Variants in GSAP observed in about 807,000 individuals in gnomAD.
GSAP encodes gamma-secretase activating protein, also known as gamma-secretase-activating protein.
Under a neutral mutation model 131.7 loss-of-function variants are expected in GSAP, and 118 were observed. That is an observed-to-expected ratio of 0.90 (90% CI 0.77 to 1.04). GSAP has a LOEUF of 1.04. Ranked by LOEUF, GSAP falls within the 50% of genes least tolerant of loss-of-function variation. The pLI is 0.00. For missense variants in GSAP, 1,019 were observed against 1,013.2 expected, an observed-to-expected ratio of 1.01 and a Z score of -0.08; for synonymous variants, 381 against 363.4, an observed-to-expected ratio of 1.05 and a Z score of -0.55.
chr7:77,381,869 C>T (rs915623602), intron 7 of GSAP, among the ~76,000 whole-genome samples: 4 of 151,236 alleles, frequency 2.6e-5, no homozygotes, highest in African/African-American at 9.7e-5. Context: ...TGGTCTCTTT[C>T]TATCAGTAAC....
intron 16 of GSAP, among the ~76,000 whole-genome samples, chr7:77,354,007 A>G (rs1403010960): frequency 6.6e-6 from 1 of 152,198 alleles, no homozygotes; most frequent in African/African-American, 2.4e-5. Flanking sequence ...AGGGCAGCAG[A>G]GCTGGGTGTG....
chr7:77,389,314 G>GTGT (rs1799072344), intron 5 of GSAP, among the ~76,000 whole-genome samples: 1 of 142,208 alleles, frequency 7.0e-6, no homozygotes, highest in African/African-American at 2.7e-5. Context: ...TTTTTTGTTT[G>GTGT]TTTGTTTTGT....
chr7:77,397,079 G>A (rs1255087824), intron 4 of GSAP, 44 bp from the exon 5 acceptor site: 2 of 1,306,718 alleles, frequency 1.5e-6, no homozygotes, highest in Admixed American at 3.7e-5. Context: ...TGATCCATAT[G>A]GTAGCTTGTT....
chr7:77,372,187 A>C (rs1796227291), intron 12 of GSAP, among the ~76,000 whole-genome samples: 1 of 152,268 alleles, frequency 6.6e-6, no homozygotes. Context: ...CAATTGGATA[A>C]ATCCAGAACG....
At chr7:77,347,220 C>G (rs955932695) in intron 19 of GSAP, among the ~76,000 whole-genome samples, 2 of 152,050 alleles carry the variant, frequency 1.3e-5, no homozygotes, top group Non-Finnish European at 1.5e-5. Context: ...AAACATGTTT[C>G]CCTGAGTTCT....
chr7:77,318,526 A>G (rs987176650), intron 26 of GSAP, among the ~76,000 whole-genome samples: 1 of 152,202 alleles, frequency 6.6e-6, no homozygotes, highest in Non-Finnish European at 1.5e-5. Flanking sequence ...AAAGTTTAAC[A>G]CTCATTAGAA....
chr7:77,397,488 A>G (rs1470925010), intron 3 of GSAP, 73 bp from the exon 4 acceptor site: 1 of 863,836 alleles, frequency 1.2e-6, no homozygotes, highest in Admixed American at 2.1e-5. Flanking sequence ...ATAAATTCCC[A>G]TTAAGCTCTG....
At chr7:77,391,368 A>G (rs570878571) in intron 5 of GSAP, among the ~76,000 whole-genome samples, 1 of 152,330 alleles carries the variant, frequency 6.6e-6, no homozygotes, top group Admixed American at 6.5e-5. Flanking sequence ...TGCAAATAGT[A>G]ATTTCTCTCA....
At chr7:77,337,301 T>TGG (rs34134192) in intron 19 of GSAP, among the ~76,000 whole-genome samples, 926 of 65,618 alleles carry the variant, frequency 0.014, 11 homozygotes, top group African/African-American at 0.042. Context: ...GGGGGTGGGG[T>TGG]GGGGGGGGGG....
intron 6 of GSAP, among the ~76,000 whole-genome samples, chr7:77,384,336 T>C (rs1798224931): frequency 6.6e-6 from 1 of 152,352 alleles, no homozygotes; most frequent in Non-Finnish European, 1.5e-5. Context: ...GGGAGAATGT[T>C]ATTTTAAAAG....
At position 77,377,400 on chromosome 7, in the gene GSAP, C is replaced by CAAAAAAAA. The variant is rs56314229; in HGVS notation, c.577-18_577-11dup. The CAAAAAAAA allele has an allele frequency of 5.4e-5, 64 of 1,184,534 alleles. No homozygotes were observed. Among genetic ancestry groups the CAAAAAAAA allele is most frequent in the East Asian group, 3.3e-4 (9 of 27,186 alleles). 73.4% of individuals were successfully genotyped at this position (1,184,534 alleles called of 1,614,324 possible). On this transcript the variant is annotated splice_polypyrimidine_tract_variant and intron_variant, in intron 8 of 30. Transcript: ENST00000257626. ...CAGAATTTTTAATCACCTAAAAATG[C>CAAAAAAAA]AAAAAAAAAAAAAAAAAAAAAAGTA...
chr7:77,349,260 T>G, intron 19 of GSAP, 91 bp downstream of exon 19: 2 of 1,003,166 alleles, frequency 2.0e-6, no homozygotes, highest in Non-Finnish European at 1.6e-6. Flanking sequence ...CCCCTGCCAA[T>G]TTGCAATCCC....
At position 77,311,175 on chromosome 7, in the gene GSAP, A is replaced by C; in HGVS notation, c.*183T>G. On this transcript the variant is annotated 3_prime_UTR_variant, in exon 31 of 31. Transcript: ENST00000257626. ...ACACTTGATTGCTCACTGGCTATTC[A>C]AAATTGGAATGTGATACAGCAGTTC... 1 of 547,750 alleles carries C rather than the reference A, an allele frequency of 1.8e-6. No individual in the cohort carries two copies. Among genetic ancestry groups the C allele is most frequent in the Non-Finnish European group, 3.3e-6 (1 of 306,330 alleles). The allele number at this position is 547,750 out of a possible 1,614,324, so 33.9% of individuals were successfully genotyped here.
In GSAP at chr7:77,375,113, AT is replaced by A. The variant is rs1796662044; in HGVS notation, c.742-13del. On this transcript the variant is annotated splice_polypyrimidine_tract_variant and intron_variant, in intron 10 of 30. Transcript: ENST00000257626. ...AAGGGTACTTCAAACTGTCAAAAAA[AT>A]CAAAGAAAATGAACCCAAAATGACA... 3 of 1,537,500 alleles carry A rather than the reference AT, an allele frequency of 2.0e-6. No individual in the cohort carries two copies. The highest frequency in any genetic ancestry group is 3.4e-4 in the Middle Eastern group (2 of 5,908).
At chr7:77,374,916 C>T in intron 11 of GSAP, 142 bp downstream of exon 11, 1 of 497,812 alleles carries the variant, frequency 2.0e-6, no homozygotes, top group Non-Finnish European at 3.6e-6. Context: ...TTTATATTTG[C>T]TATGGAGAAT....
chr7:77,364,316 T>C (rs1431400602), intron 12 of GSAP, among the ~76,000 whole-genome samples: 1 of 152,108 alleles, frequency 6.6e-6, no homozygotes, highest in Non-Finnish European at 1.5e-5. Context: ...ACATAGATCA[T>C]AACCTCCATT....
intron 2 of GSAP, among the ~76,000 whole-genome samples, chr7:77,405,181 A>C (rs993904871): frequency 2.0e-5 from 3 of 152,214 alleles, no homozygotes; most frequent in Non-Finnish European, 4.4e-5. Flanking sequence ...AGTCCTAGCT[A>C]CTGGGGAGGT....
intron 22 of GSAP, chr7:77,326,792 A>AT (rs1253598112): frequency 6.6e-6 from 1 of 152,466 alleles, no homozygotes; most frequent in Admixed American, 6.5e-5. Context: ...TGGAAAAGTG[A>AT]TATGTTAAAT....
At chr7:77,324,875 G>C (rs573458450) in intron 23 of GSAP, among the ~76,000 whole-genome samples, 7 of 132,224 alleles carry the variant, frequency 5.3e-5, no homozygotes, top group Non-Finnish European at 1.1e-4. Context: ...GGAGTGCAGT[G>C]ATGCGATCTC....
Sources: gnomAD v4.1 joint callset for allele counts (sites outside exome capture counted in the v4.1 genomes callset) on GRCh38, gnomAD v4.1.1 for gene constraint, MANE v1.5 for transcripts, NCBI Gene and HGNC (gene_info 2026-07-23, HGNC 2026-07-21) for gene names.